The following HDAC9 variants were observed in gnomAD, a reference collection of about 807,000 sequenced individuals.
The protein encoded by HDAC9 is histone deacetylase 9, also known as MEF-2 interacting transcription repressor (MITR) protein.
A neutral mutation model predicts 139.4 loss-of-function variants in HDAC9; 41 were observed. The ratio of observed to expected loss-of-function variants is 0.29; its 90% CI spans 0.23 to 0.38. HDAC9 has a LOEUF of 0.38. HDAC9 is among the 10% of genes least tolerant of loss of function. The probability of loss-of-function intolerance (pLI) is 1.00; values close to 1 mark genes in which losing one functional copy is unlikely to be tolerated. For synonymous variants in HDAC9, 517 were observed against 476.2 expected, an observed-to-expected ratio of 1.09 and a Z score of -1.12; for missense variants, 1,147 against 1,297.0, an observed-to-expected ratio of 0.88 and a Z score of 1.78.
At chr7:18,327,729 T>C (rs1021718257) in intron 1 of HDAC9, 8 of 151,976 alleles carry the variant, frequency 5.3e-5, no homozygotes, top group African/African-American at 1.9e-4. Context: ...GTTGAATAAA[T>C]GGCAAAATAT....
chr7:18,266,817 C>A (rs1796036208), intron 2 of HDAC9, among the ~76,000 whole-genome samples: 1 of 152,214 alleles, frequency 6.6e-6, no homozygotes, highest in East Asian at 1.9e-4. Context: ...ACATCTTAGT[C>A]TTCTTATGAA....
intron 23 of HDAC9, among the ~76,000 whole-genome samples, chr7:18,947,181 A>T (rs1012684653): frequency 6.6e-6 from 1 of 152,054 alleles, no homozygotes; most frequent in Non-Finnish European, 1.5e-5. Flanking sequence ...AAGAAAACTT[A>T]AAATTAATGT....
chr7:18,429,565 C>CTGTGTGTG (rs35916049), intron 1 of HDAC9, among the ~76,000 whole-genome samples: 2 of 137,496 alleles, frequency 1.5e-5, no homozygotes, highest in Non-Finnish European at 3.1e-5. Context: ...GTGTGTGTGT[C>CTGTGTGTG]TGTGTGTGTG....
At chr7:18,391,733 G>T (rs1214547073) in intron 1 of HDAC9, among the ~76,000 whole-genome samples, 1 of 152,178 alleles carries the variant, frequency 6.6e-6, no homozygotes, top group African/African-American at 2.4e-5. Flanking sequence ...AAGATGCCTG[G>T]ATATAAACCC....
intron 1 of HDAC9, among the ~76,000 whole-genome samples, chr7:18,113,193 G>A (rs1330514387): frequency 6.6e-6 from 1 of 152,056 alleles, no homozygotes; most frequent in East Asian, 1.9e-4. Flanking sequence ...GAAATAAGAA[G>A]GATGAGGTCA....
At position 18,100,590 on chromosome 7, in the gene HDAC9, A is replaced by C. The variant is rs538490797; in HGVS notation, c.-97+13377A>C. On this transcript the variant is annotated intron_variant, in intron 1 of 12. Coordinates refer to the HDAC9 transcript ENST00000417496. ...CTCCATCTCACACATTGTAGTTTTC[A>C]TCTCTTGAAGTTCAATGGGGTGTTT... Among the ~76,000 whole-genome samples, 7 of 152,162 alleles carry C rather than the reference A, an allele frequency of 4.6e-5. No individual in the cohort carries two copies. The East Asian group carries it at 1.4e-3, about 29-fold the overall frequency.
intron 6 of HDAC9, among the ~76,000 whole-genome samples, chr7:18,618,621 T>C (rs1433392310): frequency 6.6e-6 from 1 of 151,512 alleles, no homozygotes; most frequent in Admixed American, 6.6e-5. Context: ...TTATGAACTG[T>C]CTGAGTAGGA....
intron 2 of HDAC9, among the ~76,000 whole-genome samples, chr7:18,284,496 A>C (rs1797308477): frequency 6.6e-6 from 1 of 152,146 alleles, no homozygotes; most frequent in African/African-American, 2.4e-5. Flanking sequence ...CAGACAAGAA[A>C]AGTGTGTTTG....
chr7:18,861,156 C>T (rs977677450), intron 21 of HDAC9, among the ~76,000 whole-genome samples: 8 of 152,224 alleles, frequency 5.3e-5, no homozygotes, highest in East Asian at 3.9e-4. Context: ...TTAAAATTCA[C>T]GGTATTTCTA....
At chr7:18,804,927 T>TG (rs1405019222) in intron 17 of HDAC9, among the ~76,000 whole-genome samples, 1 of 152,210 alleles carries the variant, frequency 6.6e-6, no homozygotes, top group Non-Finnish European at 1.5e-5. Context: ...CCTGAGTAGC[T>TG]GGGACTACAG....
chr7:18,848,483 GCT>G (rs1797054365), intron 21 of HDAC9, among the ~76,000 whole-genome samples: 1 of 151,716 alleles, frequency 6.6e-6, no homozygotes, highest in African/African-American at 2.4e-5. Context: ...TTGCTTCCTT[GCT>G]CTCTCTCCAT....
intron 2 of HDAC9, among the ~76,000 whole-genome samples, chr7:18,560,182 AT>A (rs1472200482): frequency 6.6e-6 from 1 of 152,214 alleles, no homozygotes; most frequent in African/African-American, 2.4e-5. Flanking sequence ...CTGATCTGAC[AT>A]AATATTAGGT....
At chr7:18,759,557 G>A (rs1462013890) in intron 14 of HDAC9, among the ~76,000 whole-genome samples, 3 of 152,016 alleles carry the variant, frequency 2.0e-5, no homozygotes, top group Admixed American at 6.6e-5. Context: ...ATTATGGTGA[G>A]TTGTATAATT....
intron 13 of HDAC9, among the ~76,000 whole-genome samples, chr7:18,731,325 A>T (rs1475168172): frequency 2.6e-5 from 4 of 152,174 alleles, no homozygotes; most frequent in Non-Finnish European, 5.9e-5. Context: ...GCGGACACAG[A>T]CACATTATAA....
At chr7:18,359,155 A>G (rs940305691) in intron 1 of HDAC9, among the ~76,000 whole-genome samples, 4 of 152,138 alleles carry the variant, frequency 2.6e-5, no homozygotes, top group Admixed American at 6.5e-5. Flanking sequence ...CAGGAGTTCA[A>G]TATCGGCCCA....
intron 2 of HDAC9, among the ~76,000 whole-genome samples, chr7:18,252,927 C>T (rs976596512): frequency 7.2e-4 from 109 of 151,724 alleles, no homozygotes; most frequent in African/African-American, 2.4e-3. Flanking sequence ...TTCCATCCTC[C>T]ACCCCAGTGT....
chr7:18,316,913 G>T (rs1380558943), intron 1 of HDAC9, among the ~76,000 whole-genome samples: 1 of 151,788 alleles, frequency 6.6e-6, no homozygotes, highest in African/African-American at 2.4e-5. Context: ...CTAACACAGT[G>T]AAACTCTGTG....
chr7:18,681,280 G>A (rs1176010603), intron 12 of HDAC9, among the ~76,000 whole-genome samples: 1 of 151,968 alleles, frequency 6.6e-6, no homozygotes, highest in East Asian at 1.9e-4. Context: ...TTCCAGTTTG[G>A]TCTTGTTTTC....
intron 9 of HDAC9, among the ~76,000 whole-genome samples, chr7:18,645,420 C>T (rs905408538): frequency 1.3e-4 from 20 of 152,096 alleles, no homozygotes; most frequent in Non-Finnish European, 2.2e-4. Flanking sequence ...TAGGCTCTTT[C>T]GGGAAGAAAG....
Sources: allele counts gnomAD v4.1 joint callset (sites outside exome capture counted in the v4.1 genomes callset), GRCh38; gene constraint gnomAD v4.1.1; transcripts MANE v1.5; gene names NCBI Gene and HGNC (gene_info 2026-07-23, HGNC 2026-07-21).